Variants in NMRK2 observed in about 807,000 individuals in gnomAD.
NMRK2 encodes the protein NRK 2.
Under a neutral mutation model 24.7 loss-of-function variants are expected in NMRK2, and 34 were observed. The ratio of observed to expected loss-of-function variants is 1.37; its 90% confidence interval spans 1.05 to 1.83. The LOEUF (loss-of-function observed/expected upper bound fraction) is 1.83. Among genes scored for constraint, NMRK2 ranks in the 40% most tolerant of loss-of-function variants. The pLI, the probability that NMRK2 is intolerant of heterozygous loss-of-function variation, is 0.00. For missense variants in NMRK2, 341 were observed against 315.0 expected, an observed-to-expected ratio of 1.08 and a Z score of -0.62; for synonymous variants, 145 against 125.6, an observed-to-expected ratio of 1.15 and a Z score of -1.03.
intron 7 of NMRK2, among the ~76,000 whole-genome samples, chr19:3,941,445 G>A (rs933433437): frequency 2.0e-5 from 3 of 151,552 alleles, no homozygotes; most frequent in Admixed American, 6.6e-5. Flanking sequence ...TAGAGACAGG[G>A]TTTCACCATG....
Position 3,933,475 on chromosome 19 carries a change from T to G in NMRK2, c.-197T>G, listed in dbSNP as rs971059378. On this transcript the variant is annotated 5_prime_UTR_variant, in exon 2 of 8. In the 5' UTR this introduces an upstream ATG that the reference lacks. Transcript: ENST00000168977. ...AAAGGCAGCCTGGAGCTATTTCCAT[T>G]CGGCGGCGGGAACAGGTGCCGGCGC... 1.8e-6 allele frequency: 1 copy of G among 541,108 alleles called. No individual in the cohort carries two copies. 33.5% of individuals were successfully genotyped at this position (541,108 alleles called of 1,614,324 possible). A position where few individuals can be genotyped will look rare whatever the true frequency, so the allele number is the denominator to read the frequency against.
At chr19:3,937,144 C>A in intron 3 of NMRK2, 96 bp from the exon 4 acceptor site, 2 of 1,233,636 alleles carry the variant, frequency 1.6e-6, no homozygotes, top group Non-Finnish European at 2.4e-6. Context: ...GGGACCTCAG[C>A]AGCTCCAGCA....
Position 3,938,706 on chromosome 19 carries a change from G to C in NMRK2, c.270G>C (p.Glu90Asp). 1 of 1,612,452 alleles carries C rather than the reference G, an allele frequency of 6.2e-7. No individual in the cohort carries two copies. Among genetic ancestry groups the C allele is most frequent in the Non-Finnish European group, 8.5e-7 (1 of 1,179,268 alleles). ...ARAHGVSVQPEASDTHILLLE... is the reference protein window; with the variant it reads ...ARAHGVSVQPDASDTHILLLE... ...CCCACGGGGTCAGCGTCCAGCCAGAGGCCTCGGACACCCACATCCTCCTCC... is the reference window on the plus strand; with the variant it reads ...CCCACGGGGTCAGCGTCCAGCCAGACGCCTCGGACACCCACATCCTCCTCC... Residue 90 changes from glutamate (E) to aspartate (D), a missense_variant, in exon 5 of 8, where the codon GAG (glutamate) becomes GAC (aspartate). By Grantham distance (45) the Glu-to-Asp change is conservative (BLOSUM62 2). Coordinates refer to ENST00000168977, the MANE Select transcript of NMRK2 (RefSeq NM_170678.3).
At position 3,938,836 on chromosome 19, in the gene NMRK2, T is replaced by TTG. The variant is rs1568180848; in HGVS notation, c.323+78_323+79insGT. On this transcript the variant is annotated intron_variant, in intron 5 of 7. Transcript: ENST00000168977. ...AGCCATCTCTTGTTTTTTTTTTTTTTTTTTTTTGTTTTGTTTTTTTTTTTT... is the reference window on the plus strand; with the variant it reads ...AGCCATCTCTTGTTTTTTTTTTTTTTTGTTTTTTTGTTTTGTTTTTTTTTTTT... 49 of 573,224 alleles carry TTG rather than the reference T, an allele frequency of 8.5e-5. No individual in the cohort carries two copies. The East Asian group carries it at 1.6e-3, about 19-fold the overall frequency. The allele number at this position is 573,224 out of a possible 1,614,324, so 35.5% of individuals were successfully genotyped here.
rs200635027 is a variant in NMRK2, at chr19:3,941,065, C to G, written c.396-6C>G. On this transcript the variant is annotated splice_polypyrimidine_tract_variant and splice_region_variant and intron_variant, in intron 6 of 7. Coordinates refer to ENST00000168977, the MANE Select transcript of NMRK2 (RefSeq NM_170678.3). ...TCTAAGCCATCCTTGCCTTCTCCCT[C>G]TGCAGTACCCGCAACTACACAGTCC... 6.3e-4 allele frequency: 1,008 copies of G among 1,599,036 alleles called. 4 individuals carry two copies. Among genetic ancestry groups the G allele is most frequent in the Middle Eastern group, 3.3e-3 (20 of 6,022 alleles).
intron 3 of NMRK2, 141 bp downstream of exon 3, chr19:3,936,806 C>T (rs2039222400): frequency 1.5e-6 from 1 of 662,514 alleles, no homozygotes; most frequent in Non-Finnish European, 2.5e-6. Context: ...CTCCTGGGGT[C>T]TCTGGGATAA....
At chr19:3,935,336 ACCTCT>A (rs2039196039) in intron 2 of NMRK2, among the ~76,000 whole-genome samples, 1 of 149,054 alleles carries the variant, frequency 6.7e-6, no homozygotes, top group Admixed American at 6.8e-5. Context: ...GCTCACTGCA[ACCTCT>A]GACTCCTGAG....
At chr19:3,936,553 C>G (rs1369575898) in intron 2 of NMRK2, 22 bp from the exon 3 acceptor site, 1 of 1,528,078 alleles carries the variant, frequency 6.5e-7, no homozygotes, top group South Asian at 1.2e-5. Flanking sequence ...CAGGCAGTCT[C>G]ATGCACACGC....
chr19:3,940,511 G>A (rs1397849771), intron 6 of NMRK2, among the ~76,000 whole-genome samples: 2 of 151,316 alleles, frequency 1.3e-5, no homozygotes, highest in African/African-American at 2.4e-5. Flanking sequence ...CGAGATGGGC[G>A]GATCACCTGA....
At position 3,937,256 on chromosome 19, in the gene NMRK2, C is replaced by T. The variant is rs1307829173; in HGVS notation, c.134C>T (p.Ala45Val). The T allele has an allele frequency of 6.5e-5, 105 of 1,613,170 alleles. No homozygotes were observed. In the Admixed American group the frequency reaches 1.7e-3, roughly 26 times the overall value. Residue 45 changes from alanine to valine, a missense_variant, in exon 4 of 8, where the codon GCA becomes GTA. Ala to Val is a moderately conservative substitution (Grantham distance 64). Coordinates refer to ENST00000168977, the MANE Select transcript of NMRK2 (RefSeq NM_170678.3). ...DDFFKPQDQIAVGEDGFKQWD... is the reference protein window; with the variant it reads ...DDFFKPQDQIVVGEDGFKQWD... Reference sequence around the variant, plus strand: ...CTGTTTCAGCCCCAAGACCAAATAGCAGTTGGGGAAGACGGCTTCAAACAG... The same window carrying T: ...CTGTTTCAGCCCCAAGACCAAATAGTAGTTGGGGAAGACGGCTTCAAACAG...
chr19:3,935,931 T>C lies in NMRK2; in HGVS notation c.27-644T>C, dbSNP rs373012242. Among the ~76,000 whole-genome samples the C allele has an allele frequency of 5.3e-3, 805 of 151,540 alleles. 2 individuals carry two copies. The Middle Eastern group carries it at 0.082, about 15-fold the overall frequency. ...AAATCAATTTCCTTATCTGTAAACA[T>C]AGGTGGGCCGGGCTCACACCTGTAA... On this transcript the variant is annotated intron_variant, in intron 2 of 7. Transcript: ENST00000168977.
In NMRK2 at chr19:3,936,759, T is replaced by C; in HGVS notation, c.117+94T>C. Reference sequence around the variant, plus strand: ...CCCGCCCTCCACTGCCCAGTGCCCGTGTGGGCTGGGCACTGGCTCCACTCC... The same window carrying C: ...CCCGCCCTCCACTGCCCAGTGCCCGCGTGGGCTGGGCACTGGCTCCACTCC... On this transcript the variant is annotated intron_variant, in intron 3 of 7. Transcript: ENST00000168977. 3 of 1,057,204 alleles carry C rather than the reference T, an allele frequency of 2.8e-6. No individual in the cohort carries two copies. The Admixed American group carries it at 7.6e-5, about 27-fold the overall frequency. The allele number at this position is 1,057,204 out of a possible 1,614,324, so 65.5% of individuals were successfully genotyped here.
At chr19:3,933,817 C>G in intron 2 of NMRK2, 120 bp downstream of exon 2, 1 of 1,025,242 alleles carries the variant, frequency 9.8e-7, no homozygotes, top group South Asian at 2.4e-5. Flanking sequence ...ACACGCCGCC[C>G]GAGGTCAGAG....
At chr19:3,934,634 T>G (rs1373419592) in intron 2 of NMRK2, among the ~76,000 whole-genome samples, 1 of 150,294 alleles carries the variant, frequency 6.7e-6, no homozygotes, top group Admixed American at 6.7e-5. Context: ...CAGGCTGGAG[T>G]GCAGTGGTGT....
rs139949882 is a variant in NMRK2 at position 3,933,849 on chromosome 19, T to A, written c.26+152T>A. ...AGAGTGCAGGGAGGATTTTCTGCCCTGGGGGTCTCGGTGTCCCCAGTGGGA... is the reference window on the plus strand; with the variant it reads ...AGAGTGCAGGGAGGATTTTCTGCCCAGGGGGTCTCGGTGTCCCCAGTGGGA... On this transcript the variant is annotated intron_variant, in intron 2 of 7. Transcript: ENST00000168977. 2,190 of 672,336 alleles carry A rather than the reference T, an allele frequency of 3.3e-3. 34 individuals are homozygous for A. In the African/African-American group the frequency reaches 0.037, roughly 11 times the overall value. The allele number at this position is 672,336 out of a possible 1,614,324, so 41.6% of individuals were successfully genotyped here.
At chr19:3,933,793 G>T (rs531725783) in intron 2 of NMRK2, 96 bp downstream of exon 2, 24 of 1,238,546 alleles carry the variant, frequency 1.9e-5, no homozygotes, top group Non-Finnish European at 8.4e-6. Flanking sequence ...GATGCCTGGC[G>T]CCTGAGGTCA....
chr19:3,937,812 C>A (rs1185045907), intron 4 of NMRK2, among the ~76,000 whole-genome samples: 3 of 112,590 alleles, frequency 2.7e-5, no homozygotes, highest in Admixed American at 8.6e-5. Flanking sequence ...AATACCCGCT[C>A]CCCGTCCACT....
chr19:3,942,052 G>A (rs750099363), intron 7 of NMRK2, 31 bp from the exon 8 acceptor site: 56 of 1,600,214 alleles, frequency 3.5e-5, no homozygotes, highest in South Asian at 3.0e-4. Context: ...CCTTCCTCCC[G>A]GCAGCCCTGA....
At chr19:3,939,730 T>C (rs575881344) in intron 5 of NMRK2, among the ~76,000 whole-genome samples, 170 bp from the exon 6 acceptor site, 4 of 152,208 alleles carry the variant, frequency 2.6e-5, no homozygotes, top group Admixed American at 2.6e-4. Context: ...GGGGGGCTGC[T>C]GCAGGGATGT....
Sources: allele counts gnomAD v4.1 joint callset (sites outside exome capture counted in the v4.1 genomes callset), GRCh38; gene constraint gnomAD v4.1.1; transcripts MANE v1.5; gene names NCBI Gene and HGNC (gene_info 2026-07-23, HGNC 2026-07-21).